KPNB1: variants seen among roughly 807,000 people sequenced by gnomAD.
KPNB1 encodes karyopherin subunit beta 1.
Under a neutral mutation model 113.0 loss-of-function variants are expected in KPNB1, and 7 were observed. The observed-to-expected ratio is 0.06, with a 90% CI of 0.04 to 0.12. KPNB1 has a LOEUF of 0.12. Among genes scored for constraint, KPNB1 ranks in the 10% least tolerant of loss-of-function variants. The pLI, the probability that KPNB1 is intolerant of heterozygous loss-of-function variation, is 1.00. For synonymous variants in KPNB1, 363 were observed against 378.6 expected, an observed-to-expected ratio of 0.96 and a Z score of 0.48; for missense variants, 400 against 1,054.8, an observed-to-expected ratio of 0.38 and a Z score of 8.60.
chr17:47,663,198 T>G lies in KPNB1; in HGVS notation c.786+20T>G. 6 of 1,253,936 alleles carry G rather than the reference T, an allele frequency of 4.8e-6. No individual in the cohort carries two copies. Among genetic ancestry groups the G allele is most frequent in the Non-Finnish European group, 5.9e-6 (5 of 852,286 alleles). The allele number at this position is 1,253,936 out of a possible 1,614,324, so 77.7% of individuals were successfully genotyped here. On this transcript the variant is annotated intron_variant, in intron 7 of 21. Coordinates refer to ENST00000290158, the MANE Select transcript of KPNB1 (RefSeq NM_002265.6). ...TTTGCAGTAAGTATTTCTATTTATG[T>G]GATTTGAGCTTGTGGCTAATTACAG...
chr17:47,664,009 A>G (rs1163138241), intron 7 of KPNB1, 150 bp from the exon 8 acceptor site: 3 of 568,604 alleles, frequency 5.3e-6, no homozygotes, highest in South Asian at 2.1e-5. Context: ...AGAAAAGAAA[A>G]TCTTTCTTTT....
rs1216988458 is a variant in KPNB1 at position 47,649,954 on chromosome 17, C to T, written c.-291C>T. ...GCGCCGCCTCTCACTCACAGCCTCC[C>T]TTCCTTCTTTCTCCCTCCGCCTCCC... On this transcript the variant is annotated 5_prime_UTR_variant, in exon 1 of 22. Coordinates refer to ENST00000290158, the MANE Select transcript of KPNB1 (RefSeq NM_002265.6). The T allele has an allele frequency of 8.7e-5, 115 of 1,321,118 alleles. No homozygotes were observed. Among genetic ancestry groups the T allele is most frequent in the Non-Finnish European group, 1.1e-4 (111 of 1,039,668 alleles). 81.8% of individuals were successfully genotyped at this position (1,321,118 alleles called of 1,614,324 possible).
chr17:47,670,969 A>G, intron 12 of KPNB1, 137 bp downstream of exon 12: 1 of 835,464 alleles, frequency 1.2e-6, no homozygotes, highest in Admixed American at 2.6e-5. Flanking sequence ...GAATTAAAAG[A>G]AACCCGCTGG....
At chr17:47,660,437 T>C (rs996388840) in intron 5 of KPNB1, among the ~76,000 whole-genome samples, 2 of 152,348 alleles carry the variant, frequency 1.3e-5, no homozygotes, top group African/African-American at 2.4e-5. Context: ...TGTGTATCTT[T>C]GAGACTCTGC....
intron 6 of KPNB1, 118 bp from the exon 7 acceptor site, chr17:47,662,971 A>G (rs775775890): frequency 9.7e-6 from 7 of 723,342 alleles, no homozygotes; most frequent in Non-Finnish European, 1.3e-5. Context: ...GGGAAATGAT[A>G]ACGTATCCCA....
intron 17 of KPNB1, among the ~76,000 whole-genome samples, 154 bp downstream of exon 17, chr17:47,677,281 C>T (rs1182782842): frequency 1.3e-5 from 2 of 151,932 alleles, no homozygotes; most frequent in East Asian, 3.9e-4. Flanking sequence ...CCAACCTGGA[C>T]AACATGGTGA....
chr17:47,675,361 G>GTTGTTT (rs1567894260), intron 15 of KPNB1, among the ~76,000 whole-genome samples: 6 of 88,692 alleles, frequency 6.8e-5, no homozygotes, highest in Non-Finnish European at 1.4e-4. Context: ...CAGAGGTGTT[G>GTTGTTT]TTTTTTTTTT....
chr17:47,650,499 G>A lies in KPNB1; in HGVS notation c.99+55G>A, dbSNP rs569467516. ...CCGCGTCCCCATCCCCTGCGTGCGG[G>A]GCCTTCCCGCCCTCCCGGAGGCCCA... On this transcript the variant is annotated intron_variant, in intron 2 of 21. Coordinates refer to ENST00000290158, the MANE Select transcript of KPNB1 (RefSeq NM_002265.6). 80 of 1,540,290 alleles carry A rather than the reference G, an allele frequency of 5.2e-5. 1 individual carries two copies. In the South Asian group the frequency reaches 7.2e-4, roughly 14 times the overall value.
intron 13 of KPNB1, 97 bp from the exon 14 acceptor site, chr17:47,673,393 T>C (rs2143157780): frequency 9.0e-7 from 1 of 1,108,068 alleles, no homozygotes; most frequent in Middle Eastern, 2.0e-4. Flanking sequence ...GTTGCTGTTG[T>C]TTACTTTCCT....
intron 12 of KPNB1, among the ~76,000 whole-genome samples, chr17:47,672,514 C>T (rs533586463): frequency 6.6e-6 from 1 of 151,998 alleles, no homozygotes; most frequent in East Asian, 1.9e-4. Flanking sequence ...CCTCAGCCTC[C>T]TGAGTAGCTA....
At chr17:47,673,691 G>A in intron 14 of KPNB1, 130 bp downstream of exon 14, 1 of 713,274 alleles carries the variant, frequency 1.4e-6, no homozygotes, top group African/African-American at 1.8e-5. Context: ...TTCTCAGAAG[G>A]CTTTGGTCTG....
At chr17:47,652,579 T>G (rs775330477) in intron 2 of KPNB1, 115 bp from the exon 3 acceptor site, 1 of 676,340 alleles carries the variant, frequency 1.5e-6, no homozygotes, top group East Asian at 3.0e-5. Flanking sequence ...AAAAAAAAAT[T>G]AGACATTAGT....
At position 47,683,110 on chromosome 17, in the gene KPNB1, A is replaced by AAAAC. The variant is rs1567897189; in HGVS notation, c.*709_*710insCAAA. 2.0e-5 allele frequency: 3 copies of AAAAC among 147,348 alleles called. No homozygotes were observed. The highest frequency in any genetic ancestry group is 7.5e-5 in the African/African-American group (3 of 40,222). The allele number at this position is 147,348 out of a possible 1,614,324, so 9.1% of individuals were successfully genotyped here. A position where few individuals can be genotyped will look rare whatever the true frequency, so the allele number is the denominator to read the frequency against. On this transcript the variant is annotated 3_prime_UTR_variant, in exon 22 of 22. Transcript: ENST00000290158. ...AGATGTAAAAAAAAAAAAAAAAAAA[A>AAAAC]AAAAAAAAACACACACACAGAGGAA...
intron 20 of KPNB1, 79 bp downstream of exon 20, chr17:47,680,213 A>T: frequency 9.7e-7 from 1 of 1,033,346 alleles, no homozygotes; most frequent in South Asian, 1.3e-5. Context: ...GAGTTTTGAG[A>T]GTATCGCGGA....
intron 3 of KPNB1, among the ~76,000 whole-genome samples, chr17:47,653,172 T>C (rs1349772511): frequency 6.7e-6 from 1 of 149,568 alleles, no homozygotes; most frequent in Admixed American, 6.6e-5. Context: ...AGTGTACAAA[T>C]TGGTGCTACA....
rs1240354804 is a variant in KPNB1 at position 47,684,131 on chromosome 17, CTTTCA to C, written c.*1732_*1736del. 1.3e-5 allele frequency: 2 copies of C among 152,146 alleles called. No homozygotes were observed. The highest frequency in any genetic ancestry group is 2.4e-5 in the African/African-American group (1 of 41,440). The allele number at this position is 152,146 out of a possible 1,614,324, so 9.4% of individuals were successfully genotyped here. On this transcript the variant is annotated 3_prime_UTR_variant, in exon 22 of 22. Coordinates refer to ENST00000290158, the MANE Select transcript of KPNB1 (RefSeq NM_002265.6). ...ACTAAAAACAAGACCCTCATTCCCA[CTTTCA>C]TTTCCACTCTAGCAAAAACTGGGCT...
intron 11 of KPNB1, 41 bp downstream of exon 11, chr17:47,669,910 C>T (rs367792337): frequency 5.5e-5 from 78 of 1,418,406 alleles, no homozygotes; most frequent in Admixed American, 1.4e-4. Flanking sequence ...AGCTTGCCTG[C>T]GCCACTGGCA....
chr17:47,681,623 G>T (rs2030779873), intron 21 of KPNB1, among the ~76,000 whole-genome samples: 1 of 149,236 alleles, frequency 6.7e-6, no homozygotes, highest in Non-Finnish European at 1.5e-5. Flanking sequence ...TGCCAGGCTG[G>T]TCTTGAACTC....
At position 47,677,097 on chromosome 17, in the gene KPNB1, G is replaced by A; in HGVS notation, c.2073G>A (p.Glu691=). ...CCAACATCATACCTTTCTGTGACGA[G>A]GTGATGCAGCTGCTTCTGGAAAATT... The part of the protein sequence containing the change: ...LQSNIIPFCD[E]VMQLLLENLG... Residue 691 remains glutamate, a synonymous_variant, in exon 17 of 22, where the codon GAG becomes GAA. Transcript: ENST00000290158. The A allele has an allele frequency of 6.2e-7, 1 of 1,613,958 alleles. No individual in the cohort carries two copies. The highest frequency in any genetic ancestry group is 8.5e-7 in the Non-Finnish European group (1 of 1,179,964).
Sources: allele counts gnomAD v4.1 joint callset (sites outside exome capture counted in the v4.1 genomes callset), GRCh38; gene constraint gnomAD v4.1.1; transcripts MANE v1.5; gene names NCBI Gene and HGNC (gene_info 2026-07-23, HGNC 2026-07-21).